The following GPC5 variants were observed in gnomAD, a reference collection of about 807,000 sequenced individuals.
GPC5 encodes glypican 5.
A neutral mutation model predicts 53.9 loss-of-function variants in GPC5; 47 were observed. That is an observed-to-expected ratio of 0.87 (90% CI 0.69 to 1.11). The LOEUF is 1.11. Among genes scored for constraint, GPC5 ranks in the 50% most tolerant of loss-of-function variants. The probability of loss-of-function intolerance (pLI) is 0.00; values close to 1 mark genes in which losing one functional copy is unlikely to be tolerated. For synonymous variants in GPC5, 286 were observed against 263.3 expected (o/e 1.09, Z -0.84); for missense variants, 748 against 713.1 (o/e 1.05, Z -0.56).
intron 7 of GPC5, among the ~76,000 whole-genome samples, chr13:92,377,531 G>C (rs1270528037): frequency 6.6e-6 from 1 of 152,168 alleles, no homozygotes; most frequent in African/African-American, 2.4e-5. Flanking sequence ...AGCTTGGAAT[G>C]CATCGAGCAA....
chr13:92,461,934 A>T (rs9561053), intron 7 of GPC5, among the ~76,000 whole-genome samples: 55,966 of 152,060 alleles, frequency 0.37, 11,163 homozygotes, highest in Middle Eastern at 0.5. Flanking sequence ...GACCTGTGTG[A>T]AGTGAGGGAG....
chr13:92,168,000 C>A (rs937215170), intron 7 of GPC5, among the ~76,000 whole-genome samples: 1 of 152,122 alleles, frequency 6.6e-6, no homozygotes, highest in Non-Finnish European at 1.5e-5. Flanking sequence ...TGAGGGCAAG[C>A]TTACTGGGAT....
chr13:92,049,328 A>T (rs548141146), intron 6 of GPC5, among the ~76,000 whole-genome samples: 1 of 152,196 alleles, frequency 6.6e-6, no homozygotes, highest in African/African-American at 2.4e-5. Flanking sequence ...TCACTATCTG[A>T]CCTTATATAG....
At chr13:92,801,560 TAA>T (rs1245219022) in intron 7 of GPC5, among the ~76,000 whole-genome samples, 1 of 151,808 alleles carries the variant, frequency 6.6e-6, no homozygotes, top group Non-Finnish European at 1.5e-5. Context: ...CAATTTTTTT[TAA>T]AGTTAATCCT....
At chr13:92,178,719 G>A (rs1473814518) in intron 7 of GPC5, among the ~76,000 whole-genome samples, 1 of 152,104 alleles carries the variant, frequency 6.6e-6, no homozygotes, top group Non-Finnish European at 1.5e-5. Flanking sequence ...GCTCACACCT[G>A]TAATCCCAGC....
At chr13:92,632,220 C>A (rs2139133699) in intron 7 of GPC5, among the ~76,000 whole-genome samples, 1 of 152,142 alleles carries the variant, frequency 6.6e-6, no homozygotes, top group East Asian at 1.9e-4. Context: ...ATGATGAATA[C>A]AAAGAGCCAA....
At chr13:91,713,993 A>G (rs1440275309) in intron 3 of GPC5, among the ~76,000 whole-genome samples, 1 of 152,158 alleles carries the variant, frequency 6.6e-6, no homozygotes, top group Non-Finnish European at 1.5e-5. Flanking sequence ...TCACCAGAAT[A>G]ACCATTGAAT....
intron 7 of GPC5, among the ~76,000 whole-genome samples, chr13:92,202,589 A>AT (rs1313675158): frequency 2.0e-5 from 3 of 152,272 alleles, no homozygotes; most frequent in African/African-American, 7.2e-5. Context: ...AGAACCAAAG[A>AT]TTTTCTAATA....
chr13:92,553,925 C>T (rs915814211), intron 7 of GPC5, among the ~76,000 whole-genome samples: 1 of 151,932 alleles, frequency 6.6e-6, no homozygotes, highest in African/African-American at 2.4e-5. Context: ...ATGATGGTGT[C>T]ATTTGACAAC....
At chr13:92,634,626 T>G (rs551865121) in intron 7 of GPC5, among the ~76,000 whole-genome samples, 1 of 152,284 alleles carries the variant, frequency 6.6e-6, no homozygotes, top group South Asian at 2.1e-4. Flanking sequence ...TTTTCATTTA[T>G]TCTTAGCTCC....
chr13:91,923,672 A>G (rs1594666485), intron 6 of GPC5, among the ~76,000 whole-genome samples: 2 of 152,214 alleles, frequency 1.3e-5, no homozygotes, highest in Non-Finnish European at 2.9e-5. Flanking sequence ...TTTTATAGTA[A>G]TGAGTCTGAA....
intron 7 of GPC5, among the ~76,000 whole-genome samples, chr13:92,591,863 C>T (rs184292481): frequency 2.6e-5 from 4 of 152,224 alleles, no homozygotes; most frequent in East Asian, 1.9e-4. Context: ...GATAGTGCAG[C>T]GAACTGGCTC....
chr13:92,816,894 C>T (rs748386002), intron 7 of GPC5, among the ~76,000 whole-genome samples: 2 of 151,906 alleles, frequency 1.3e-5, no homozygotes, highest in Non-Finnish European at 2.9e-5. Flanking sequence ...TTGACCCTGT[C>T]TCTATATGTC....
chr13:92,611,291 T>C (rs920209892), intron 7 of GPC5, among the ~76,000 whole-genome samples: 1 of 152,254 alleles, frequency 6.6e-6, no homozygotes, highest in East Asian at 1.9e-4. Context: ...AAGAGGACTT[T>C]CACTTCCATG....
chr13:92,716,761 A>G (rs1888341558), intron 7 of GPC5, among the ~76,000 whole-genome samples: 1 of 152,190 alleles, frequency 6.6e-6, no homozygotes, highest in African/African-American at 2.4e-5. Flanking sequence ...CTCCAAGATG[A>G]ACGTCTCAGA....
chr13:92,395,423 T>C (rs1297068379), intron 7 of GPC5, among the ~76,000 whole-genome samples: 2 of 152,154 alleles, frequency 1.3e-5, no homozygotes, highest in African/African-American at 4.8e-5. Flanking sequence ...AGCACTGTTG[T>C]CATTTATTTT....
chr13:92,141,326 A>G lies in GPC5; in HGVS notation c.1402-3504A>G, dbSNP rs145563615. 3.7e-3 allele frequency among the ~76,000 whole-genome samples: 557 copies of G among 152,310 alleles called. 8 individuals are homozygous for G. Among genetic ancestry groups the G allele is most frequent in the African/African-American group, 0.013 (538 of 41,582 alleles). Reference sequence around the variant, plus strand: ...GCTAGGGTAGTACTGGGGACTGAGAATCACGAATCGGGTGGGATCCTGGAT... The same window carrying G: ...GCTAGGGTAGTACTGGGGACTGAGAGTCACGAATCGGGTGGGATCCTGGAT... On this transcript the variant is annotated intron_variant, in intron 6 of 7. Coordinates refer to ENST00000377067, the MANE Select transcript of GPC5 (RefSeq NM_004466.6).
chr13:92,427,199 T>G (rs1267384555), intron 7 of GPC5, among the ~76,000 whole-genome samples: 2 of 151,664 alleles, frequency 1.3e-5, no homozygotes, highest in East Asian at 1.9e-4. Context: ...ATTTCTAAGT[T>G]GGAAGCTAAG....
At chr13:92,748,918 T>TTATC (rs907768349) in intron 7 of GPC5, among the ~76,000 whole-genome samples, 6 of 152,194 alleles carry the variant, frequency 3.9e-5, no homozygotes, top group African/African-American at 1.4e-4. Flanking sequence ...AATCTTGATT[T>TTATC]TATCTTTTCT....
Sources: allele counts gnomAD v4.1 joint callset (sites outside exome capture counted in the v4.1 genomes callset), GRCh38; gene constraint gnomAD v4.1.1; transcripts MANE v1.5; gene names NCBI Gene and HGNC (gene_info 2026-07-23, HGNC 2026-07-21).